CWH43: variants seen among roughly 807,000 people sequenced by gnomAD.
The protein encoded by CWH43 is PGAP2-interacting protein.
CWH43 carries 91 observed loss-of-function variants against 85.7 expected under a neutral mutation model. That is an observed-to-expected ratio of 1.06 (90% CI 0.90 to 1.26). CWH43 has a LOEUF of 1.26. CWH43 is among the 50% of genes most tolerant of loss of function. The probability of loss-of-function intolerance (pLI) is 0.00; values close to 1 mark genes in which losing one functional copy is unlikely to be tolerated. For synonymous variants in CWH43, 323 were observed against 293.6 expected, an observed-to-expected ratio of 1.10 and a Z score of -1.02; for missense variants, 869 against 839.2, an observed-to-expected ratio of 1.04 and a Z score of -0.44.
At position 48,992,088 on chromosome 4, in the gene CWH43, C is replaced by A. The variant is rs768511693; in HGVS notation, c.509C>A (p.Thr170Lys). 2.5e-6 allele frequency: 4 copies of A among 1,610,020 alleles called. No homozygotes were observed. The Admixed American group carries it at 6.7e-5, about 27-fold the overall frequency. Residue 170 changes from threonine to lysine, a missense_variant and splice_region_variant, in exon 4 of 16, where the codon ACA (threonine) becomes AAA (lysine). By Grantham distance (78) the Thr-to-Lys change is moderately conservative. Transcript: ENST00000226432. This position sits in a 1 kb window ranked among gnomAD's most constrained non-coding sequence, Gnocchi z 4.3. ...ATAGCCACACTTGATCGTATTGGCA[C>A]AGGTAATACTGTAACTTAGGAATTT... The part of the protein sequence containing the change: ...SAIATLDRIG[T>K]DGDCSKPEEK...
At chr4:49,019,570 T>A (rs929032527) in intron 9 of CWH43, among the ~76,000 whole-genome samples, 2 of 152,010 alleles carry the variant, frequency 1.3e-5, no homozygotes, top group African/African-American at 4.8e-5. Flanking sequence ...TTATTTTTAA[T>A]GTCAATAGTT....
At position 48,991,724 on chromosome 4, in the gene CWH43, A is replaced by T. The variant is rs149293963; in HGVS notation, c.356+150A>T. 3 of 1,004,176 alleles carry T rather than the reference A, an allele frequency of 3.0e-6. No individual in the cohort carries two copies. The East Asian group carries it at 7.5e-5, about 25-fold the overall frequency. 62.2% of individuals were successfully genotyped at this position (1,004,176 alleles called of 1,614,324 possible). A position where few individuals can be genotyped will look rare whatever the true frequency, so the allele number is the denominator to read the frequency against. On this transcript the variant is annotated intron_variant, in intron 3 of 15. Transcript: ENST00000226432. ...TTTTTCCTTTTCCCAAAACAAGGAC[A>T]TGAATACTTGCCATCAATCTCAATA...
In CWH43 at chr4:49,018,281, T is replaced by A. The variant is rs1783624744; in HGVS notation, c.1266+953T>A. On this transcript the variant is annotated intron_variant, in intron 9 of 15. Transcript: ENST00000226432. ...TGTGGTGCTAAACCATTCATGAGAA[T>A]TCCACCCCCATGATCTGGTCACCCC... Among the ~76,000 whole-genome samples, 6 of 152,070 alleles carry A rather than the reference T, an allele frequency of 3.9e-5. No individual in the cohort carries two copies. The South Asian group carries it at 1.2e-3, about 32-fold the overall frequency.
chr4:49,025,682 C>CA (rs759544118), intron 9 of CWH43, among the ~76,000 whole-genome samples: 57 of 152,156 alleles, frequency 3.7e-4, no homozygotes, highest in Non-Finnish European at 7.6e-4. Flanking sequence ...GGAGTATCTG[C>CA]AAAAAATCCT....
chr4:49,009,285 T>C (rs1330734956), intron 8 of CWH43, among the ~76,000 whole-genome samples: 3 of 152,160 alleles, frequency 2.0e-5, no homozygotes, highest in African/African-American at 7.2e-5. Context: ...TTGTCTGTTA[T>C]TGGTGTATAG....
At chr4:48,989,582 A>G (rs546213569) in intron 2 of CWH43, among the ~76,000 whole-genome samples, 30 of 152,296 alleles carry the variant, frequency 2.0e-4, no homozygotes, top group African/African-American at 6.5e-4. Context: ...CCACAAAGGT[A>G]TAGAGCTCTT....
chr4:49,046,410 G>GA (rs1400290344), intron 14 of CWH43, among the ~76,000 whole-genome samples: 22 of 151,162 alleles, frequency 1.5e-4, no homozygotes, highest in African/African-American at 5.1e-4. Flanking sequence ...AATATAATAG[G>GA]AAAAAAACAA....
intron 15 of CWH43, among the ~76,000 whole-genome samples, chr4:49,056,475 C>A (rs1784967851): frequency 6.6e-6 from 1 of 152,050 alleles, no homozygotes; most frequent in Admixed American, 6.5e-5. Flanking sequence ...TCATAGTAGT[C>A]ACTTATGATT....
At chr4:49,016,016 T>C (rs1371665941) in intron 8 of CWH43, among the ~76,000 whole-genome samples, 1 of 152,118 alleles carries the variant, frequency 6.6e-6, no homozygotes, top group African/African-American at 2.4e-5. Flanking sequence ...CTGCAGGGTG[T>C]TTTTTTCTTT....
chr4:49,002,540 C>G (rs147515412), intron 6 of CWH43, among the ~76,000 whole-genome samples: 1 of 152,228 alleles, frequency 6.6e-6, no homozygotes, highest in Non-Finnish European at 1.5e-5. Flanking sequence ...TGGTTATCTC[C>G]GTCTTAGACA....
At chr4:48,993,636 G>T (rs548633466) in intron 4 of CWH43, among the ~76,000 whole-genome samples, 1 of 152,300 alleles carries the variant, frequency 6.6e-6, no homozygotes, top group Non-Finnish European at 1.5e-5. Context: ...TTGCTGTGAT[G>T]AATTGGACCT....
intron 5 of CWH43, among the ~76,000 whole-genome samples, chr4:48,996,996 G>T (rs1782836114): frequency 1.3e-5 from 2 of 152,224 alleles, no homozygotes; most frequent in Non-Finnish European, 1.5e-5. Context: ...TGAGGAAATA[G>T]TGCATTTCAA....
chr4:48,986,374 G>T lies in CWH43; in HGVS notation c.-56G>T, dbSNP rs1782494145. 3.2e-5 allele frequency: 49 copies of T among 1,518,536 alleles called. No individual in the cohort carries two copies. In the South Asian group the frequency reaches 5.4e-4, roughly 17 times the overall value. 94.1% of individuals were successfully genotyped at this position (1,518,536 alleles called of 1,614,324 possible). ...CGGGAACCTGGGGGCGCAGGGCTAGGGCAGCGGGCCCGACCCGCACGGCTT... is the reference window on the plus strand; with the variant it reads ...CGGGAACCTGGGGGCGCAGGGCTAGTGCAGCGGGCCCGACCCGCACGGCTT... On this transcript the variant is annotated 5_prime_UTR_variant, in exon 1 of 16. Transcript: ENST00000226432.
rs1577644879 is a variant in CWH43, at chr4:48,986,403, T to C, written c.-27T>C. 4 of 1,548,042 alleles carry C rather than the reference T, an allele frequency of 2.6e-6. No homozygotes were observed. The East Asian group carries it at 9.8e-5, about 38-fold the overall frequency. ...GCGGGCCCGACCCGCACGGCTTTCC[T>C]GGAAAGCGCTGCCCCTCGCCGCGGC... On this transcript the variant is annotated 5_prime_UTR_variant, in exon 1 of 16. Coordinates refer to ENST00000226432, the MANE Select transcript of CWH43 (RefSeq NM_025087.3).
At position 48,994,699 on chromosome 4, in the gene CWH43, G is replaced by A; in HGVS notation, c.592G>A (p.Ala198Thr). 1 of 1,614,226 alleles carries A rather than the reference G, an allele frequency of 6.2e-7. No individual in the cohort carries two copies. Among genetic ancestry groups the A allele is most frequent in the Non-Finnish European group, 8.5e-7 (1 of 1,180,042 alleles). Residue 198 changes from alanine (A) to threonine (T), a missense_variant, in exon 5 of 16, where the codon GCA becomes ACA. By Grantham distance (58) the Ala-to-Thr change is moderately conservative. This residue lies in a region of CWH43 where 152 missense variants were observed against 203.6 expected (regional missense o/e 0.75). Transcript: ENST00000226432. Reference protein sequence around the residue: ...GMASRPNWLLAGAAFGSLVFL... With the variant: ...GMASRPNWLLTGAAFGSLVFL... Reference sequence around the variant, plus strand: ...GGCCTCTAGACCCAACTGGCTGCTGGCAGGGGCTGCTTTTGGTAGCCTTGT... The same window carrying A: ...GGCCTCTAGACCCAACTGGCTGCTGACAGGGGCTGCTTTTGGTAGCCTTGT...
At chr4:49,036,420 C>A (rs1017872342) in intron 12 of CWH43, among the ~76,000 whole-genome samples, 4 of 152,202 alleles carry the variant, frequency 2.6e-5, no homozygotes, top group Admixed American at 1.3e-4. Context: ...AGGGGTTTAA[C>A]AAATGGCCGT....
chr4:49,056,136 A>C (rs987672632), intron 15 of CWH43, among the ~76,000 whole-genome samples: 7 of 134,334 alleles, frequency 5.2e-5, no homozygotes, highest in Admixed American at 1.6e-4. Context: ...TCATTGTTCA[A>C]TTCCCACCTA....
At chr4:49,034,830 T>A (rs1031893531) in intron 12 of CWH43, among the ~76,000 whole-genome samples, 1 of 152,218 alleles carries the variant, frequency 6.6e-6, no homozygotes, top group African/African-American at 2.4e-5. Flanking sequence ...GGGGTTCTTG[T>A]GCCCATATTA....
intron 14 of CWH43, among the ~76,000 whole-genome samples, chr4:49,046,808 GT>G (rs1784639918): frequency 6.6e-6 from 1 of 152,172 alleles, no homozygotes; most frequent in East Asian, 1.9e-4. Flanking sequence ...GATGTACACA[GT>G]GAGTTGATTC....
Sources: allele counts gnomAD v4.1 joint callset (sites outside exome capture counted in the v4.1 genomes callset), GRCh38; gene constraint gnomAD v4.1.1; regional missense constraint gnomAD v4.1.1; non-coding constraint Gnocchi (gnomAD v3.1); transcripts MANE v1.5; gene names NCBI Gene and HGNC (gene_info 2026-07-23, HGNC 2026-07-21).